Variants in KCNH7 observed in about 807,000 individuals in gnomAD.
KCNH7 encodes potassium voltage-gated channel subfamily H member 7, also known as voltage-gated inwardly rectifying potassium channel KCNH7.
A neutral mutation model predicts 120.8 loss-of-function variants in KCNH7; 49 were observed. The observed-to-expected ratio is 0.41, with a 90% confidence interval of 0.32 to 0.51. The LOEUF is 0.51. Ranked by LOEUF, KCNH7 falls within the 20% of genes least tolerant of loss-of-function variation. The probability of loss-of-function intolerance (pLI) is 0.38; values close to 1 mark genes in which losing one functional copy is unlikely to be tolerated. For missense variants in KCNH7, 1,097 were observed against 1,446.6 expected (o/e 0.76, Z 3.92); for synonymous variants, 547 against 516.1 (o/e 1.06, Z -0.81).
intron 2 of KCNH7, among the ~76,000 whole-genome samples, chr2:162,833,715 T>C (rs1398525343): frequency 6.6e-6 from 1 of 152,134 alleles, no homozygotes; most frequent in Non-Finnish European, 1.5e-5. Context: ...ATGACGATCA[T>C]GCAGTTCACC....
chr2:162,427,625 A>T (rs1687909466), intron 8 of KCNH7, among the ~76,000 whole-genome samples: 1 of 151,518 alleles, frequency 6.6e-6, no homozygotes, highest in South Asian at 2.1e-4. Context: ...TATTGAAAAT[A>T]TTTTCTTCCA....
intron 3 of KCNH7, among the ~76,000 whole-genome samples, chr2:162,526,749 T>C (rs142976038): frequency 0.019 from 2,919 of 152,110 alleles, 39 homozygotes; most frequent in Non-Finnish European, 0.03. Context: ...TACAAACAAT[T>C]TGTGCAGTTA....
chr2:162,376,975 T>G (rs1686217280), intron 14 of KCNH7, among the ~76,000 whole-genome samples: 1 of 152,184 alleles, frequency 6.6e-6, no homozygotes, highest in African/African-American at 2.4e-5. Context: ...AGATAGACCA[T>G]TTTATTTGTT....
At position 162,541,807 on chromosome 2, in the gene KCNH7, A is replaced by G. The variant is rs150410566; in HGVS notation, c.308-4727T>C. Among the ~76,000 whole-genome samples, 249 of 152,256 alleles carry G rather than the reference A, an allele frequency of 1.6e-3. 1 individual carries two copies. Among genetic ancestry groups the G allele is most frequent in the African/African-American group, 5.8e-3 (242 of 41,564 alleles). ...CACCATGGCACACATTTACCTGTGT[A>G]ACAAACCTGCACATTCTGCACATGT... On this transcript the variant is annotated intron_variant, in intron 2 of 15. Transcript: ENST00000332142.
At chr2:162,618,541 A>C (rs1448443739) in intron 2 of KCNH7, among the ~76,000 whole-genome samples, 1 of 152,166 alleles carries the variant, frequency 6.6e-6, no homozygotes, top group African/African-American at 2.4e-5. Context: ...ATAAAACTAT[A>C]TCCAATTTTA....
intron 2 of KCNH7, among the ~76,000 whole-genome samples, chr2:162,811,513 CAT>C (rs1384961354): frequency 6.6e-6 from 1 of 152,048 alleles, no homozygotes; most frequent in Non-Finnish European, 1.5e-5. Flanking sequence ...CCCAACATCA[CAT>C]GACTCAAAAA....
rs185268419 is a variant in KCNH7 at position 162,455,251 on chromosome 2, A to G, written c.1129-8808T>C. Among the ~76,000 whole-genome samples, 53 of 152,224 alleles carry G rather than the reference A, an allele frequency of 3.5e-4. 2 individuals are homozygous for G. The highest frequency in any genetic ancestry group is 3.1e-3 in the Admixed American group (48 of 15,272). On this transcript the variant is annotated intron_variant, in intron 6 of 15. Transcript: ENST00000332142. ...ATGGCTTATGTTTATTGATTTTCAT[A>G]TGTTGAACCAGCCTTGCGTCCCAGG...
chr2:162,660,053 A>G (rs550240744), intron 2 of KCNH7, among the ~76,000 whole-genome samples: 56 of 152,176 alleles, frequency 3.7e-4, no homozygotes, highest in African/African-American at 1.1e-3. Context: ...TATCAATTGT[A>G]TTGCTCACTT....
At chr2:162,698,916 T>G (rs759220572) in intron 2 of KCNH7, among the ~76,000 whole-genome samples, 4 of 152,124 alleles carry the variant, frequency 2.6e-5, no homozygotes, top group Non-Finnish European at 5.9e-5. Context: ...TGTGGGAAAA[T>G]ATTTTCTTTG....
At chr2:162,786,852 C>A (rs893135273) in intron 2 of KCNH7, among the ~76,000 whole-genome samples, 1 of 152,122 alleles carries the variant, frequency 6.6e-6, no homozygotes, top group Non-Finnish European at 1.5e-5. Flanking sequence ...CCATCCGCAC[C>A]AGAAAATACC....
At chr2:162,577,429 GA>G (rs541298085) in intron 2 of KCNH7, among the ~76,000 whole-genome samples, 43 of 149,576 alleles carry the variant, frequency 2.9e-4, no homozygotes, top group Middle Eastern at 3.4e-3. Flanking sequence ...ATAGGTAGGG[GA>G]AAAAATCAAG....
At chr2:162,524,095 G>T (rs1286805159) in intron 3 of KCNH7, among the ~76,000 whole-genome samples, 1 of 151,946 alleles carries the variant, frequency 6.6e-6, no homozygotes, top group Admixed American at 6.6e-5. Flanking sequence ...TTGGATTCCT[G>T]AAAGTAGATT....
chr2:162,371,840 G>A lies in KCNH7; in HGVS notation c.3580C>T (p.Pro1194Ser). The A allele has an allele frequency of 8.1e-6, 13 of 1,608,270 alleles. No individual in the cohort carries two copies. Among genetic ancestry groups the A allele is most frequent in the Non-Finnish European group, 1.1e-5 (13 of 1,175,224 alleles). ...LHRHVSDPGL[P>S]GK ...ATAGTACAAAATGATTATTTCCCTG[G>A]AAGACCAGGATCAGAAACATGCCTA... Residue 1194 changes from proline (P) to serine (S), a missense_variant, in exon 16 of 16, where the codon CCA (proline) becomes TCA (serine). Physicochemically the swap from Pro to Ser is moderately conservative, Grantham distance 74 (BLOSUM62 -1). Coordinates refer to ENST00000332142, the MANE Select transcript of KCNH7 (RefSeq NM_033272.4).
chr2:162,567,409 A>G (rs1357781912), intron 2 of KCNH7, among the ~76,000 whole-genome samples: 1 of 151,996 alleles, frequency 6.6e-6, no homozygotes, highest in African/African-American at 2.4e-5. Flanking sequence ...AAGTGAGAAT[A>G]GCGGATGTTA....
chr2:162,741,155 G>C (rs1397257885), intron 2 of KCNH7, among the ~76,000 whole-genome samples: 1 of 151,560 alleles, frequency 6.6e-6, no homozygotes, highest in African/African-American at 2.4e-5. Context: ...TCATGGCATA[G>C]TGATATGCTA....
chr2:162,726,902 G>A (rs1470760026), intron 2 of KCNH7, among the ~76,000 whole-genome samples: 1 of 152,088 alleles, frequency 6.6e-6, no homozygotes, highest in Admixed American at 6.5e-5. Flanking sequence ...TTTTCCCAAG[G>A]AACACTGATT....
intron 2 of KCNH7, among the ~76,000 whole-genome samples, chr2:162,682,561 A>G (rs1363029068): frequency 6.6e-6 from 1 of 151,794 alleles, no homozygotes; most frequent in African/African-American, 2.4e-5. Context: ...ATAAAGTGGC[A>G]TTTATTTATT....
In KCNH7 at chr2:162,681,678, T is replaced by C. The variant is rs189902344; in HGVS notation, c.308-144598A>G. On this transcript the variant is annotated intron_variant, in intron 2 of 15. Coordinates refer to ENST00000332142, the MANE Select transcript of KCNH7 (RefSeq NM_033272.4). ...GAATGTTACAGGTTTTATAGTTTGT[T>C]TGGAGCCAATTTAAACTTAGATTTT... Among the ~76,000 whole-genome samples, 10 of 151,832 alleles carry C rather than the reference T, an allele frequency of 6.6e-5. No homozygotes were observed. In the Admixed American group the frequency reaches 6.6e-4, roughly 10 times the overall value.
intron 2 of KCNH7, among the ~76,000 whole-genome samples, chr2:162,625,108 G>T (rs1246621631): frequency 1.3e-5 from 2 of 151,868 alleles, no homozygotes; most frequent in East Asian, 3.9e-4. Context: ...TGTTGGTCAG[G>T]TTGGTCCCGA....
Sources: gnomAD v4.1 joint callset for allele counts (sites outside exome capture counted in the v4.1 genomes callset) on GRCh38, gnomAD v4.1.1 for gene constraint, MANE v1.5 for transcripts, NCBI Gene and HGNC (gene_info 2026-07-23, HGNC 2026-07-21) for gene names.